The following DALRD3 variants were observed in gnomAD, a reference collection of about 807,000 sequenced individuals.
DALRD3 encodes the protein DALR anticodon-binding domain-containing protein 3.
DALRD3 carries 47 observed loss-of-function variants against 56.7 expected under a neutral mutation model. The ratio of observed to expected loss-of-function variants is 0.83; its 90% CI spans 0.66 to 1.06. The LOEUF is 1.06. DALRD3 is among the 50% of genes least tolerant of loss of function. The pLI is 0.00. For missense variants in DALRD3, 787 were observed against 724.0 expected (o/e 1.09, Z -1.00); for synonymous variants, 347 against 308.5 (o/e 1.12, Z -1.31).
rs760990865 is a variant in DALRD3 at position 49,017,858 on chromosome 3, C to G, written c.473G>C (p.Arg158Pro). 1.9e-6 allele frequency: 3 copies of G among 1,600,710 alleles called. No individual in the cohort carries two copies. The highest frequency in any genetic ancestry group is 1.7e-6 in the Non-Finnish European group (2 of 1,178,738). Residue 158 changes from arginine to proline, a missense_variant, in exon 3 of 12, where the codon CGC (arginine) becomes CCC (proline). By Grantham distance (103) the Arg-to-Pro change is moderately radical. Transcript: ENST00000341949. The part of the protein sequence containing the change: ...RALRAHGVCV[R>P]LVPAVRDPHM... ...CGGATCCCGCACAGCTGGCACTAGG[C>G]GCACGCACACCCTGCGAAGGGAGGG...
rs749616692 is a variant in DALRD3, at chr3:49,018,426, G to C, written c.139C>G (p.Leu47Val). 3.3e-5 allele frequency: 52 copies of C among 1,580,618 alleles called. No homozygotes were observed. Among genetic ancestry groups the C allele is most frequent in the Non-Finnish European group, 4.2e-5 (49 of 1,164,750 alleles). ...TGGCCGTCATCGAAGCGCGCCTGCAGCGCGCGGTGCGGTGCCAGAAAGTCT... is the reference window on the plus strand; with the variant it reads ...TGGCCGTCATCGAAGCGCGCCTGCACCGCGCGGTGCGGTGCCAGAAAGTCT... ...SRDFLAPHRA[L>V]QARFDDGQVP... The change falls in exon 1 of 12, where the codon CTG becomes GTG. Residue 47 changes from leucine (L) to valine (V), a missense_variant. By Grantham distance (32) the Leu-to-Val change is conservative (BLOSUM62 1). Coordinates refer to ENST00000341949, the MANE Select transcript of DALRD3 (RefSeq NM_001009996.3).
rs781264346 is a variant in DALRD3 at position 49,017,433 on chromosome 3, C to T, written c.798+1G>A. ...AACCTACAGGGCTGGGAGTCACTAACCAGGCCTGGGTGGCTGTCCTCGGGC... is the reference window on the plus strand; with the variant it reads ...AACCTACAGGGCTGGGAGTCACTAATCAGGCCTGGGTGGCTGTCCTCGGGC... On this transcript the variant is annotated splice_donor_variant, in intron 4 of 11. Coordinates refer to ENST00000341949, the MANE Select transcript of DALRD3 (RefSeq NM_001009996.3). LOFTEE classifies it high-confidence loss of function. 8.1e-6 allele frequency: 13 copies of T among 1,614,022 alleles called. No individual in the cohort carries two copies. The Admixed American group carries it at 1.3e-4, about 17-fold the overall frequency.
In DALRD3 at chr3:49,018,391, C is replaced by G; in HGVS notation, c.165+9G>C. ...CCCGGCCGCACGGCCCCGCCCGGCT[C>G]ACGCCCACCTGGCCGTCATCGAAGC... On this transcript the variant is annotated intron_variant, in intron 1 of 11. Transcript: ENST00000341949. 4 of 1,556,874 alleles carry G rather than the reference C, an allele frequency of 2.6e-6. No individual in the cohort carries two copies. Among genetic ancestry groups the G allele is most frequent in the African/African-American group, 1.4e-5 (1 of 73,202 alleles).
rs375207499 is a variant in DALRD3 at position 49,018,469 on chromosome 3, G to A, written c.96C>T (p.Thr32=). ...GAAAGTCTCGGGAACGCAGGTGGCGGGTGCGCGTCTCCTTGATCCACACCG... is the reference window on the plus strand; with the variant it reads ...GAAAGTCTCGGGAACGCAGGTGGCGAGTGCGCGTCTCCTTGATCCACACCG... The part of the protein sequence containing the change: ...GGPVWIKETR[T]RHLRSRDFLA... Residue 32 remains threonine, a synonymous_variant, in exon 1 of 12, where the codon ACC becomes ACT. Transcript: ENST00000341949. 6 of 1,588,824 alleles carry A rather than the reference G, an allele frequency of 3.8e-6. No homozygotes were observed. Among genetic ancestry groups the A allele is most frequent in the Non-Finnish European group, 4.3e-6 (5 of 1,167,880 alleles).
upstream of DALRD3, chr3:49,019,055 T>C: frequency 1.0e-6 from 1 of 984,956 alleles, no homozygotes; most frequent in South Asian, 4.7e-5. Flanking sequence ...TGCAAGCATT[T>C]TCTCGTTTGA....
At chr3:49,016,694 G>A (rs767718771) in intron 6 of DALRD3, 21 bp from the exon 7 acceptor site, 90 of 1,610,164 alleles carry the variant, frequency 5.6e-5, no homozygotes, top group Non-Finnish European at 7.6e-5. Context: ...AAGAGAGGAA[G>A]GCCAGTGGGC....
chr3:49,016,983 C>T (rs1252610767), intron 5 of DALRD3, 136 bp from the exon 6 acceptor site: 12 of 1,069,764 alleles, frequency 1.1e-5, no homozygotes, highest in South Asian at 2.8e-5. Flanking sequence ...CCTCCGTCTA[C>T]CCAGCCACTC....
chr3:49,018,680 G>A (rs575172496), upstream of DALRD3: 30 of 1,423,314 alleles, frequency 2.1e-5, no homozygotes, highest in African/African-American at 3.4e-4. Flanking sequence ...GGACAGGTGC[G>A]CCAGTGGTAG....
rs2093111323 is a variant in DALRD3 at position 49,018,024 on chromosome 3, C to G, written c.460G>C (p.Gly154Arg). Reference sequence around the variant, plus strand: ...TTCCGGCCCCGCGGCCCCGCTCACCCGTGAGCGCGCAGGGCTCGCGCCAGG... The same window carrying G: ...TTCCGGCCCCGCGGCCCCGCTCACCGGTGAGCGCGCAGGGCTCGCGCCAGG... Reference protein sequence around the residue: ...DHLARALRAHGVCVRLVPAVR... With the variant: ...DHLARALRAHRVCVRLVPAVR... Residue 154 changes from glycine (G) to arginine (R), a missense_variant and splice_region_variant, in exon 2 of 12, where the codon GGG (glycine) becomes CGG (arginine). By Grantham distance (125) the Gly-to-Arg change is moderately radical. Transcript: ENST00000341949. The G allele has an allele frequency of 2.0e-6, 3 of 1,483,650 alleles. No individual in the cohort carries two copies. The highest frequency in any genetic ancestry group is 2.7e-6 in the Non-Finnish European group (3 of 1,127,070). 91.9% of individuals were successfully genotyped at this position (1,483,650 alleles called of 1,614,324 possible).
In DALRD3 at chr3:49,018,409, A is replaced by T; in HGVS notation, c.156T>A (p.Asp52Glu). ...APHRALQARF[D>E]DGQVPEHLLH... ...CCCGGCTCACGCCCACCTGGCCGTCATCGAAGCGCGCCTGCAGCGCGCGGT... is the reference window on the plus strand; with the variant it reads ...CCCGGCTCACGCCCACCTGGCCGTCTTCGAAGCGCGCCTGCAGCGCGCGGT... The change falls in exon 1 of 12, where the codon GAT becomes GAA. Residue 52 changes from aspartate to glutamate, a missense_variant. By Grantham distance (45) the Asp-to-Glu change is conservative. Coordinates refer to ENST00000341949, the MANE Select transcript of DALRD3 (RefSeq NM_001009996.3). 6.4e-7 allele frequency: 1 copy of T among 1,571,646 alleles called. No homozygotes were observed. Among genetic ancestry groups the T allele is most frequent in the South Asian group, 1.2e-5 (1 of 86,540 alleles).
chr3:49,016,462 C>G lies in DALRD3; in HGVS notation c.1113G>C (p.Lys371Asn). The G allele has an allele frequency of 6.2e-7, 1 of 1,614,082 alleles. No homozygotes were observed. The highest frequency in any genetic ancestry group is 8.5e-7 in the Non-Finnish European group (1 of 1,180,000). Residue 371 changes from lysine to asparagine, a missense_variant, in exon 8 of 12, where the codon AAG (lysine) becomes AAC (asparagine). Physicochemically the swap from Lys to Asn is moderately conservative, Grantham distance 94. Transcript: ENST00000341949. ...GTGGGGCTGTGCTCAGCATCTCAAA[C>G]TTGATGGTGGCCACAGAGAGAACAC... is the stretch of plus-strand genomic sequence containing the variant. ...IFGVLSVATI[K>N]FEMLSTAPQS...
chr3:49,017,126 G>GTGTT, intron 5 of DALRD3, 102 bp downstream of exon 5: 1 of 1,529,388 alleles, frequency 6.5e-7, no homozygotes, highest in Non-Finnish European at 9.0e-7. Flanking sequence ...CCAAGGTCAA[G>GTGTT]TGTTGGTTTC....
At position 49,018,157 on chromosome 3, in the gene DALRD3, G is replaced by A. The variant is rs753833477; in HGVS notation, c.327C>T (p.Ala109=). ...CGCGCTGGCCCAGCGAGGCAGGCGA[G>A]GCGGGCGTGGCATAGGCGGCCACGG... ...LSAVAAYATP[A]SPASLGQRVL... Residue 109 remains alanine (A), a synonymous_variant, in exon 2 of 12, where the codon GCC becomes GCT. Transcript: ENST00000341949. The A allele has an allele frequency of 6.9e-7, 1 of 1,453,804 alleles. No individual in the cohort carries two copies. The highest frequency in any genetic ancestry group is 2.6e-5 in the East Asian group (1 of 39,050). The allele number at this position is 1,453,804 out of a possible 1,614,324, so 90.1% of individuals were successfully genotyped here. A position where few individuals can be genotyped will look rare whatever the true frequency, so the allele number is the denominator to read the frequency against.
At chr3:49,017,090 A>G in intron 5 of DALRD3, 138 bp downstream of exon 5, 2 of 1,229,146 alleles carry the variant, frequency 1.6e-6, no homozygotes, top group African/African-American at 1.5e-5. Context: ...CCTGCTGTAC[A>G]TGCCCTCTCA....
chr3:49,016,341 C>A lies in DALRD3; in HGVS notation c.1147-1G>T, dbSNP rs372111155. ...TGCTGTCAGCCAGAGCCAGGAAGAGCTGGGGAATAGAAGCACAGCTGCAGA... is the reference window on the plus strand; with the variant it reads ...TGCTGTCAGCCAGAGCCAGGAAGAGATGGGGAATAGAAGCACAGCTGCAGA... On this transcript the variant is annotated splice_acceptor_variant, in intron 8 of 11. Transcript: ENST00000341949. LOFTEE classifies it high-confidence loss of function. 8 of 1,606,458 alleles carry A rather than the reference C, an allele frequency of 5.0e-6. No homozygotes were observed. The highest frequency in any genetic ancestry group is 6.0e-6 in the Non-Finnish European group (7 of 1,174,182).
At chr3:49,020,031 G>C, upstream of DALRD3, 4 of 450,834 alleles carry the variant, frequency 8.9e-6, no homozygotes, top group Non-Finnish European at 1.8e-5. Flanking sequence ...CCTTTTAATA[G>C]AGAAGCTAAC....
upstream of DALRD3, chr3:49,020,914 T>A (rs1009468450): frequency 1.1e-5 from 3 of 265,742 alleles, no homozygotes; most frequent in South Asian, 6.2e-5. Context: ...CCGGATTAGA[T>A]CCGTGGGGCA....
intron 11 of DALRD3, 21 bp downstream of exon 11, chr3:49,015,783 C>T: frequency 6.2e-7 from 1 of 1,613,984 alleles, no homozygotes; most frequent in East Asian, 2.2e-5. Context: ...CACGTCCCAC[C>T]CCATTTTGCT....
upstream of DALRD3, among the ~76,000 whole-genome samples, chr3:49,019,958 C>T (rs946029425): frequency 6.6e-6 from 1 of 152,222 alleles, no homozygotes; most frequent in African/African-American, 2.4e-5. Context: ...TTCTTTCTCC[C>T]ACAAAGGTTC....
Sources: allele counts gnomAD v4.1 joint callset (sites outside exome capture counted in the v4.1 genomes callset), GRCh38; gene constraint gnomAD v4.1.1; transcripts MANE v1.5; gene names NCBI Gene and HGNC (gene_info 2026-07-23, HGNC 2026-07-21).